The following TMEM176A variants were observed in gnomAD, a reference collection of about 807,000 sequenced individuals.
The protein encoded by TMEM176A is hepatocellular carcinoma-associated antigen 112.
TMEM176A carries 20 observed loss-of-function variants against 27.9 expected under a neutral mutation model. The observed-to-expected ratio is 0.72, with a 90% confidence interval of 0.50 to 1.04. The LOEUF (loss-of-function observed/expected upper bound fraction) is 1.04, where lower values mean the gene tolerates loss of function less well. Among genes scored for constraint, TMEM176A ranks in the 50% least tolerant of loss-of-function variants. TMEM176A has a pLI of 0.00. For missense variants in TMEM176A, 252 were observed against 289.1 expected, an observed-to-expected ratio of 0.87 and a Z score of 0.93; for synonymous variants, 125 against 118.0, an observed-to-expected ratio of 1.06 and a Z score of -0.38.
intron 5 of TMEM176A, 70 bp downstream of exon 5, chr7:150,803,902 T>C (rs1798870508): frequency 2.1e-6 from 3 of 1,461,950 alleles, no homozygotes; most frequent in Middle Eastern, 2.2e-4. Context: ...GGGGCAAGAG[T>C]CAGGTTCTCC....
chr7:150,801,535 G>C lies in TMEM176A; in HGVS notation c.-15-1G>C, dbSNP rs926751658. ...CCTCTCTGGTGCTCCCTTCCTCATA[G>C]ACTGTGTCCCTGACAATGGGAACAG... On this transcript the variant is annotated splice_acceptor_variant, in intron 1 of 6. Transcript: ENST00000004103. LOFTEE classifies it low-confidence loss of function (5UTR_SPLICE). The C allele has an allele frequency of 6.3e-7, 1 of 1,582,632 alleles. No individual in the cohort carries two copies. Among genetic ancestry groups the C allele is most frequent in the Non-Finnish European group, 8.6e-7 (1 of 1,169,166 alleles).
At chr7:150,801,244 G>A in intron 1 of TMEM176A, 1 of 270,314 alleles carries the variant, frequency 3.7e-6, no homozygotes, top group Non-Finnish European at 6.8e-6. Context: ...GGTGTGGGGC[G>A]CTGCTTGACC....
At chr7:150,804,741 TAG>T in intron 6 of TMEM176A, 84 bp from the exon 7 acceptor site, 1 of 1,358,252 alleles carries the variant, frequency 7.4e-7, no homozygotes, top group Non-Finnish European at 1.1e-6. Context: ...CTGATTCTGG[TAG>T]CTCCAGAGCT....
At position 150,801,577 on chromosome 7, in the gene TMEM176A, G is replaced by A; in HGVS notation, c.27G>A (p.Met9Ile). The A allele has an allele frequency of 6.2e-7, 1 of 1,608,838 alleles. No individual in the cohort carries two copies. The highest frequency in any genetic ancestry group is 8.5e-7 in the Non-Finnish European group (1 of 1,178,436). Residue 9 changes from methionine (M) to isoleucine (I), a missense_variant, in exon 2 of 7, where the codon ATG becomes ATA. By Grantham distance (10) the Met-to-Ile change is conservative. Transcript: ENST00000004103. The stretch of plus-strand genomic sequence containing the variant: ...TGGGAACAGCCGACAGTGATGAGAT[G>A]GCCCCGGAGGCCCCACAGCACACCC... MGTADSDE[M>I]APEAPQHTHI...
chr7:150,801,461 T>G, intron 1 of TMEM176A, 75 bp from the exon 2 acceptor site: 1 of 1,482,148 alleles, frequency 6.7e-7, no homozygotes, highest in Non-Finnish European at 9.1e-7. Context: ...CACTGGCCCC[T>G]GACCTCCCCA....
In TMEM176A at chr7:150,804,364, C is replaced by T; in HGVS notation, c.558C>T (p.Ala186=). 1.2e-6 allele frequency: 2 copies of T among 1,613,926 alleles called. No homozygotes were observed. The highest frequency in any genetic ancestry group is 1.7e-6 in the Non-Finnish European group (2 of 1,179,836). The change falls in exon 6 of 7, where the codon GCC becomes GCT. Residue 186 remains alanine, a splice_region_variant and synonymous_variant. Coordinates refer to ENST00000004103, the MANE Select transcript of TMEM176A (RefSeq NM_018487.3). The part of the protein sequence containing the change: ...LCTSFMDMLK[A]LFRTLQAMLL... ...TGGCCTTGGCCCTCTGTCCCCAGGC[C>T]TTGTTCAGAACCCTTCAGGCCATGC...
At chr7:150,800,993 C>G in intron 1 of TMEM176A, 165 bp downstream of exon 1, 1 of 985,866 alleles carries the variant, frequency 1.0e-6, no homozygotes, top group African/African-American at 1.7e-5. Flanking sequence ...TTTGACCTAC[C>G]TCCGCACCGC....
rs368663573 is a variant in TMEM176A at position 150,803,732 on chromosome 7, G to A, written c.455G>A (p.Arg152His). 264 of 1,614,154 alleles carry A rather than the reference G, an allele frequency of 1.6e-4. 7 individuals are homozygous for A. In the East Asian group the frequency reaches 2.9e-3, roughly 18 times the overall value. ...YGYSYYNSACRISSSSDWNTP... is the reference protein window; with the variant it reads ...YGYSYYNSACHISSSSDWNTP... ...TACTCTTATTACAACAGTGCCTGCC[G>A]CATCTCCAGCTCGAGTGACTGGAAC... The change falls in exon 5 of 7, where the codon CGC (arginine) becomes CAC (histidine). Residue 152 changes from arginine to histidine, a missense_variant. By Grantham distance (29) the Arg-to-His change is conservative (BLOSUM62 0). Transcript: ENST00000004103.
intron 3 of TMEM176A, chr7:150,802,709 C>T (rs545065712): frequency 3.8e-6 from 4 of 1,050,820 alleles, no homozygotes; most frequent in East Asian, 8.4e-5. Flanking sequence ...TCATTGTCCT[C>T]CACAGGCCCT....
chr7:150,800,914 G>T lies in TMEM176A; in HGVS notation c.-16+86G>T, dbSNP rs892655796. The T allele has an allele frequency of 4.1e-6, 4 of 985,524 alleles. No individual in the cohort carries two copies. In the African/African-American group the frequency reaches 7.0e-5, roughly 17 times the overall value. The allele number at this position is 985,524 out of a possible 1,614,324, so 61.0% of individuals were successfully genotyped here. ...CCTCCGCACAGTTGGAGGAGCGTAG[G>T]AGGGACCCCCACCCAGGGATGACAC... On this transcript the variant is annotated intron_variant, in intron 1 of 6. Transcript: ENST00000004103.
chr7:150,803,119 C>T (rs1801101599), intron 3 of TMEM176A: 1 of 1,133,452 alleles, frequency 8.8e-7, no homozygotes, highest in Non-Finnish European at 1.1e-6. Context: ...TTTCATAAAG[C>T]ACTTGGTGTT....
rs957451221 is a variant in TMEM176A, at chr7:150,805,060, C to T, written c.*192C>T. The stretch of plus-strand genomic sequence containing the variant: ...CTTACACCCCTTCCCCATCCTGCTC[C>T]GCTTCATGTCCCCTCCTGAGTAGTC... On this transcript the variant is annotated 3_prime_UTR_variant, in exon 7 of 7. Transcript: ENST00000004103. 3.2e-5 allele frequency: 20 copies of T among 620,082 alleles called. No individual in the cohort carries two copies. The highest frequency in any genetic ancestry group is 1.3e-4 in the African/African-American group (7 of 54,654). The allele number at this position is 620,082 out of a possible 1,614,324, so 38.4% of individuals were successfully genotyped here.
At position 150,803,458 on chromosome 7, in the gene TMEM176A, T is replaced by C; in HGVS notation, c.342+2T>C. On this transcript the variant is annotated splice_donor_variant, in intron 4 of 6. Coordinates refer to ENST00000004103, the MANE Select transcript of TMEM176A (RefSeq NM_018487.3). LOFTEE classifies it high-confidence loss of function. Reference sequence around the variant, plus strand: ...GAGAAACGGGGTGGTACATACTGGGTAAGTTCAGGGAAGGGCATGGGAGGG... The same window carrying C: ...GAGAAACGGGGTGGTACATACTGGGCAAGTTCAGGGAAGGGCATGGGAGGG... The C allele has an allele frequency of 6.3e-7, 1 of 1,594,996 alleles. No homozygotes were observed. The highest frequency in any genetic ancestry group is 8.5e-7 in the Non-Finnish European group (1 of 1,171,044).
Position 150,801,534 on chromosome 7 carries a change from A to G in TMEM176A, c.-15-2A>G. ...TCCTCTCTGGTGCTCCCTTCCTCAT[A>G]GACTGTGTCCCTGACAATGGGAACA... On this transcript the variant is annotated splice_acceptor_variant, in intron 1 of 6. Coordinates refer to ENST00000004103, the MANE Select transcript of TMEM176A (RefSeq NM_018487.3). LOFTEE classifies it low-confidence loss of function (5UTR_SPLICE). 1 of 1,581,486 alleles carries G rather than the reference A, an allele frequency of 6.3e-7. No individual in the cohort carries two copies. Among genetic ancestry groups the G allele is most frequent in the South Asian group, 1.2e-5 (1 of 85,056 alleles).
chr7:150,801,313 G>T, intron 1 of TMEM176A: 1 of 486,682 alleles, frequency 2.1e-6, no homozygotes, highest in Non-Finnish European at 3.6e-6. Flanking sequence ...GGGCGAAAGG[G>T]GAGGTTCCCG....
intron 2 of TMEM176A, 141 bp downstream of exon 2, chr7:150,801,865 T>A: frequency 1.1e-6 from 1 of 914,770 alleles, no homozygotes; most frequent in Non-Finnish European, 1.6e-6. Context: ...TCTCTGGCCT[T>A]CTCAGTAAGA....
chr7:150,804,723 C>A, intron 6 of TMEM176A, 104 bp from the exon 7 acceptor site: 1 of 1,223,784 alleles, frequency 8.2e-7, no homozygotes, highest in Non-Finnish European at 1.2e-6. Context: ...GGATCAGGTA[C>A]CATGCTGCTG....
At chr7:150,804,740 G>C in intron 6 of TMEM176A, 87 bp from the exon 7 acceptor site, 1 of 1,356,268 alleles carries the variant, frequency 7.4e-7, no homozygotes, top group Non-Finnish European at 1.1e-6. Context: ...GCTGATTCTG[G>C]TAGCTCCAGA....
At position 150,803,660 on chromosome 7, in the gene TMEM176A, C is replaced by T. The variant is rs370806145; in HGVS notation, c.383C>T (p.Thr128Ile). Residue 128 changes from threonine (T) to isoleucine (I), a missense_variant, in exon 5 of 7, where the codon ACA (threonine) becomes ATA (isoleucine). Physicochemically the swap from Thr to Ile is moderately conservative, Grantham distance 89. Coordinates refer to ENST00000004103, the MANE Select transcript of TMEM176A (RefSeq NM_018487.3). ...RTLLTLAAFS[T>I]AIAALKLWNE... ...CTGCTAACGCTGGCAGCTTTCTCCA[C>T]AGCCATCGCTGCCCTCAAACTTTGG... 1.5e-5 allele frequency: 25 copies of T among 1,614,030 alleles called. No individual in the cohort carries two copies. The highest frequency in any genetic ancestry group is 2.7e-5 in the African/African-American group (2 of 74,934).
Sources: allele counts gnomAD v4.1 joint callset, GRCh38; gene constraint gnomAD v4.1.1; transcripts MANE v1.5; gene names NCBI Gene and HGNC (gene_info 2026-07-23, HGNC 2026-07-21).